The following GMPS variants were observed in gnomAD, a reference collection of about 807,000 sequenced individuals.
GMPS encodes GMP synthase [glutamine-hydrolyzing].
GMPS carries 15 observed loss-of-function variants against 77.9 expected under a neutral mutation model. The observed-to-expected ratio is 0.19, with a 90% confidence interval of 0.13 to 0.30. The LOEUF (loss-of-function observed/expected upper bound fraction) is 0.30. GMPS is among the 10% of genes least tolerant of loss of function. The pLI is 1.00. For missense variants in GMPS, 590 were observed against 838.8 expected, an observed-to-expected ratio of 0.70 and a Z score of 3.66; for synonymous variants, 224 against 275.9, an observed-to-expected ratio of 0.81 and a Z score of 1.86.
At chr3:155,882,943 A>G (rs1159231904) in intron 1 of GMPS, among the ~76,000 whole-genome samples, 1 of 152,246 alleles carries the variant, frequency 6.6e-6, no homozygotes, top group Non-Finnish European at 1.5e-5. Context: ...ATGCTGTATA[A>G]TAGAAAGGGT....
At chr3:155,929,590 A>C (rs77683087) in intron 12 of GMPS, among the ~76,000 whole-genome samples, 1 of 142,410 alleles carries the variant, frequency 7.0e-6, no homozygotes, top group Non-Finnish European at 1.5e-5. Context: ...GTTTGCAGAC[A>C]ACATGATTGT....
rs377342370 is a variant in GMPS, at chr3:155,925,229, G to C, written c.1435-12G>C. ...CTTAAAACTGAAAAAATGCCTCTTT[G>C]GTTTTTCTCAGCCACATACCCTATT... On this transcript the variant is annotated splice_polypyrimidine_tract_variant and intron_variant, in intron 11 of 15. Coordinates refer to ENST00000496455, the MANE Select transcript of GMPS (RefSeq NM_003875.3). The C allele has an allele frequency of 5.9e-4, 947 of 1,598,920 alleles. No homozygotes were observed. Among genetic ancestry groups the C allele is most frequent in the South Asian group, 1.0e-3 (92 of 87,708 alleles).
rs149447600 is a variant in GMPS at position 155,873,137 on chromosome 3, G to A, written c.27+2240G>A. Among the ~76,000 whole-genome samples the A allele has an allele frequency of 2.6e-3, 396 of 152,160 alleles. 3 individuals carry two copies. Among genetic ancestry groups the A allele is most frequent in the African/African-American group, 9.2e-3 (383 of 41,492 alleles). On this transcript the variant is annotated intron_variant, in intron 1 of 15. Transcript: ENST00000496455. The stretch of plus-strand genomic sequence containing the variant: ...ATAAATTAAAAGTTGGGCAAGAGCT[G>A]GTTTTGATTCCTGTTTCTGGTACAT...
chr3:155,936,535 G>A (rs1397742947), intron 15 of GMPS, 25 bp downstream of exon 15: 6 of 1,401,144 alleles, frequency 4.3e-6, no homozygotes, highest in South Asian at 2.3e-5. Flanking sequence ...TTTTTCTAAT[G>A]CACGTTCTCA....
At chr3:155,873,938 A>C (rs1312951614) in intron 1 of GMPS, among the ~76,000 whole-genome samples, 4 of 152,058 alleles carry the variant, frequency 2.6e-5, no homozygotes, top group African/African-American at 7.2e-5. Context: ...CCCAGCCATG[A>C]GCAAATTCTT....
At position 155,881,266 on chromosome 3, in the gene GMPS, G is replaced by A. The variant is rs551749107; in HGVS notation, c.27+10369G>A. Among the ~76,000 whole-genome samples the A allele has an allele frequency of 2.0e-5, 3 of 149,076 alleles. No homozygotes were observed. The South Asian group carries it at 6.5e-4, about 32-fold the overall frequency. On this transcript the variant is annotated intron_variant, in intron 1 of 15. Transcript: ENST00000496455. ...CGGCTCACCACAACCTCTGCATCCCGGGTTCAAGCGATTCTCCTGCTTCAG... is the reference window on the plus strand; with the variant it reads ...CGGCTCACCACAACCTCTGCATCCCAGGTTCAAGCGATTCTCCTGCTTCAG...
chr3:155,903,765 G>A, intron 3 of GMPS, 98 bp from the exon 4 acceptor site: 1 of 553,926 alleles, frequency 1.8e-6, no homozygotes, highest in Non-Finnish European at 3.2e-6. Flanking sequence ...GGTATATCAG[G>A]TATTCTGAAA....
chr3:155,910,010 T>C (rs1754995630), intron 5 of GMPS, among the ~76,000 whole-genome samples: 1 of 151,952 alleles, frequency 6.6e-6, no homozygotes, highest in Non-Finnish European at 1.5e-5. Flanking sequence ...TTTGGGAGGC[T>C]GAGATGGGCG....
chr3:155,935,266 C>T (rs1215758053), intron 14 of GMPS, among the ~76,000 whole-genome samples: 1 of 152,202 alleles, frequency 6.6e-6, no homozygotes. Flanking sequence ...TCACTTCAGC[C>T]TCTGCCTCCT....
intron 1 of GMPS, among the ~76,000 whole-genome samples, chr3:155,886,852 T>G (rs901111356): frequency 2.6e-5 from 4 of 152,086 alleles, no homozygotes; most frequent in Admixed American, 2.0e-4. Flanking sequence ...CCTTGAAGCC[T>G]TGGGATGTCT....
chr3:155,886,714 G>A (rs1006728322), intron 1 of GMPS, among the ~76,000 whole-genome samples: 1 of 141,082 alleles, frequency 7.1e-6, no homozygotes, highest in South Asian at 2.4e-4. Flanking sequence ...CATCATGTTA[G>A]CCAGGTTGGT....
chr3:155,881,693 C>G (rs1754210162), intron 1 of GMPS, among the ~76,000 whole-genome samples: 1 of 152,136 alleles, frequency 6.6e-6, no homozygotes. Context: ...TCCACTTGAT[C>G]TTGTCCTTTT....
At chr3:155,891,806 A>G (rs1754474858) in intron 1 of GMPS, among the ~76,000 whole-genome samples, 1 of 151,782 alleles carries the variant, frequency 6.6e-6, no homozygotes, top group Non-Finnish European at 1.5e-5. Context: ...GGGTTTTTCC[A>G]TGTTGGTCAG....
chr3:155,906,157 T>A lies in GMPS; in HGVS notation c.423-3T>A. 1 of 1,554,104 alleles carries A rather than the reference T, an allele frequency of 6.4e-7. No homozygotes were observed. The highest frequency in any genetic ancestry group is 8.8e-7 in the Non-Finnish European group (1 of 1,134,394). On this transcript the variant is annotated splice_region_variant and splice_polypyrimidine_tract_variant and intron_variant, in intron 4 of 15. Transcript: ENST00000496455. ...TTGTGTGTTTTATTTTTTGTATGTT[T>A]AGGGGCCTTCAGAAGGAAGAAGTTG...
Position 155,915,659 on chromosome 3 carries a change from A to G in GMPS, c.1039-360A>G, listed in dbSNP as rs568316450. Among the ~76,000 whole-genome samples the G allele has an allele frequency of 6.6e-5, 10 of 152,010 alleles. No homozygotes were observed. The East Asian group carries it at 1.9e-3, about 29-fold the overall frequency. ...TTGTGATCTGCCTGCCTTGCCTCCC[A>G]AAGTGCTGGGATTACAGGCGTGAGC... On this transcript the variant is annotated intron_variant, in intron 8 of 15. Transcript: ENST00000496455.
At chr3:155,882,662 G>A (rs1365630629) in intron 1 of GMPS, among the ~76,000 whole-genome samples, 1 of 152,118 alleles carries the variant, frequency 6.6e-6, no homozygotes, top group East Asian at 1.9e-4. Flanking sequence ...TATTTTAAAA[G>A]CCCCCAATTT....
At chr3:155,906,011 A>G in intron 4 of GMPS, 149 bp from the exon 5 acceptor site, 1 of 458,410 alleles carries the variant, frequency 2.2e-6, no homozygotes, top group Non-Finnish European at 3.8e-6. Flanking sequence ...AATGGACATA[A>G]TATTTGAATT....
intron 3 of GMPS, 44 bp downstream of exon 3, chr3:155,898,085 C>A: frequency 1.1e-6 from 1 of 927,742 alleles, no homozygotes; most frequent in Non-Finnish European, 1.8e-6. Context: ...ATATTTTATT[C>A]TGTTTGTGAG....
At position 155,922,239 on chromosome 3, in the gene GMPS, G is replaced by T; in HGVS notation, c.1371G>T (p.Lys457Asn). Residue 457 changes from lysine (K) to asparagine (N), a missense_variant, in exon 11 of 16, where the codon AAG becomes AAT. Coordinates refer to ENST00000496455, the MANE Select transcript of GMPS (RefSeq NM_003875.3). ...GTGCTGAAGAACCTTATATTTGTAA[G>T]GACTTTCCTGAAACCAACAATATTT... The part of the protein sequence containing the change: ...VICAEEPYIC[K>N]DFPETNNILK... 6.4e-7 allele frequency: 1 copy of T among 1,569,968 alleles called. No homozygotes were observed. Among genetic ancestry groups the T allele is most frequent in the South Asian group, 1.2e-5 (1 of 83,108 alleles).
Sources: allele counts gnomAD v4.1 joint callset (sites outside exome capture counted in the v4.1 genomes callset), GRCh38; gene constraint gnomAD v4.1.1; transcripts MANE v1.5; gene names NCBI Gene and HGNC (gene_info 2026-07-23, HGNC 2026-07-21).